Variants in CNTN1 observed in about 807,000 individuals in gnomAD.
CNTN1 encodes contactin 1.
CNTN1 carries 38 observed loss-of-function variants against 126.4 expected under a neutral mutation model. The ratio of observed to expected loss-of-function variants is 0.30; its 90% CI spans 0.23 to 0.39. The LOEUF is 0.39. Among genes scored for constraint, CNTN1 ranks in the 10% least tolerant of loss-of-function variants. The pLI, the probability that CNTN1 is intolerant of heterozygous loss-of-function variation, is 1.00. For synonymous variants in CNTN1, 413 were observed against 422.6 expected (o/e 0.98, Z 0.28); for missense variants, 1,009 against 1,248.4 (o/e 0.81, Z 2.89).
Position 40,768,743 on chromosome 12 carries a change from A to G in CNTN1, c.-77+76151A>G, listed in dbSNP as rs76198627. The stretch of plus-strand genomic sequence containing the variant: ...TTTACAACAATGTTTTCATTAGGTC[A>G]GCTGAAAGGCTGACTTCTCTGAATG... On this transcript the variant is annotated intron_variant, in intron 1 of 23. Transcript: ENST00000551295. 2.4e-4 allele frequency among the ~76,000 whole-genome samples: 36 copies of G among 152,324 alleles called. No homozygotes were observed. In the East Asian group the frequency reaches 6.9e-3, roughly 29 times the overall value.
At chr12:40,921,758 T>C (rs1317101297) in intron 4 of CNTN1, among the ~76,000 whole-genome samples, 1 of 152,220 alleles carries the variant, frequency 6.6e-6, no homozygotes, top group African/African-American at 2.4e-5. Flanking sequence ...GACTGACCTC[T>C]AGTGGTCAGA....
At chr12:40,827,312 C>G (rs931751852) in intron 1 of CNTN1, among the ~76,000 whole-genome samples, 1 of 151,864 alleles carries the variant, frequency 6.6e-6, no homozygotes, top group African/African-American at 2.4e-5. Context: ...TTGATGAACA[C>G]TTGTACCCAT....
At chr12:40,765,632 A>C (rs1468110670) in intron 1 of CNTN1, among the ~76,000 whole-genome samples, 2 of 152,220 alleles carry the variant, frequency 1.3e-5, no homozygotes, top group Non-Finnish European at 2.9e-5. Context: ...TATTTCTAAA[A>C]GGTGAAGTAA....
intron 1 of CNTN1, among the ~76,000 whole-genome samples, chr12:40,813,519 C>T (rs1297240593): frequency 2.6e-5 from 4 of 152,090 alleles, no homozygotes; most frequent in East Asian, 1.9e-4. Context: ...GCAAAGGACA[C>T]GATCTCATTC....
At chr12:41,006,417 T>C (rs901512753) in intron 17 of CNTN1, among the ~76,000 whole-genome samples, 2 of 152,172 alleles carry the variant, frequency 1.3e-5, no homozygotes, top group Non-Finnish European at 2.9e-5. Context: ...GGACCCCTGC[T>C]GGAGACTGTG....
chr12:40,856,233 C>T (rs1942901723), intron 1 of CNTN1, among the ~76,000 whole-genome samples: 1 of 151,872 alleles, frequency 6.6e-6, no homozygotes, highest in Non-Finnish European at 1.5e-5. Flanking sequence ...TATATATACA[C>T]CAGTTTAAAG....
At chr12:40,872,849 C>T (rs749367015) in intron 1 of CNTN1, among the ~76,000 whole-genome samples, 23 of 151,962 alleles carry the variant, frequency 1.5e-4, no homozygotes, top group Non-Finnish European at 2.8e-4. Context: ...CGTGAACCAC[C>T]GTGTCCAGCT....
rs370971706 is a variant in CNTN1, at chr12:40,925,800, T to TTATATATATA, written c.496+1168_496+1177dup. On this transcript the variant is annotated intron_variant, in intron 6 of 23. Coordinates refer to ENST00000551295, the MANE Select transcript of CNTN1 (RefSeq NM_001843.4). ...CCTTTTTCTTAAGGAACTATTGAAA[T>TTATATATATA]TATATATATATATATATATATATAT... Among the ~76,000 whole-genome samples the TTATATATATA allele has an allele frequency of 7.8e-3, 909 of 116,452 alleles. 3 individuals carry two copies. The highest frequency in any genetic ancestry group is 0.014 in the South Asian group (50 of 3,590). 76.4% of individuals were successfully genotyped at this position (116,452 alleles called of 152,430 possible).
At chr12:40,841,314 C>G (rs965748335) in intron 1 of CNTN1, among the ~76,000 whole-genome samples, 2 of 151,930 alleles carry the variant, frequency 1.3e-5, no homozygotes, top group African/African-American at 2.4e-5. Flanking sequence ...TAGAAAAACC[C>G]TGTATCAGAT....
At chr12:40,933,390 A>G in intron 7 of CNTN1, 71 bp from the exon 8 acceptor site, 1 of 1,070,948 alleles carries the variant, frequency 9.3e-7, no homozygotes, top group South Asian at 1.3e-5. Context: ...ATCCTGTAGA[A>G]TTACCATGTT....
At chr12:40,796,353 C>G (rs1000373973) in intron 1 of CNTN1, among the ~76,000 whole-genome samples, 1 of 152,036 alleles carries the variant, frequency 6.6e-6, no homozygotes, top group African/African-American at 2.4e-5. Flanking sequence ...GACTAGGGCT[C>G]TTCAGAATAC....
chr12:41,052,047 G>A (rs1949700705), intron 23 of CNTN1, among the ~76,000 whole-genome samples: 1 of 151,928 alleles, frequency 6.6e-6, no homozygotes, highest in Non-Finnish European at 1.5e-5. Context: ...ACTCTAAATA[G>A]CTTATCAGCA....
intron 1 of CNTN1, among the ~76,000 whole-genome samples, chr12:40,872,163 A>G (rs534056311): frequency 1.3e-5 from 2 of 151,658 alleles, no homozygotes; most frequent in African/African-American, 2.4e-5. Flanking sequence ...ATCAGTCAGC[A>G]CAGACCTTGA....
At chr12:40,941,751 T>C (rs10879384) in intron 12 of CNTN1, among the ~76,000 whole-genome samples, 18,059 of 151,990 alleles carry the variant, frequency 0.12, 1,115 homozygotes, top group Non-Finnish European at 0.12. Context: ...GTAATTTTGG[T>C]ACCAATAAGT....
At chr12:40,887,972 C>T (rs1944103435) in intron 1 of CNTN1, among the ~76,000 whole-genome samples, 1 of 130,482 alleles carries the variant, frequency 7.7e-6, no homozygotes, top group Non-Finnish European at 1.5e-5. Flanking sequence ...AATGAGAACA[C>T]GTGGACACAG....
At chr12:40,847,693 T>G (rs1386522179) in intron 1 of CNTN1, among the ~76,000 whole-genome samples, 2 of 152,188 alleles carry the variant, frequency 1.3e-5, no homozygotes, top group African/African-American at 2.4e-5. Flanking sequence ...ATTTTACTAG[T>G]TATATCCCAG....
intron 1 of CNTN1, among the ~76,000 whole-genome samples, chr12:40,825,294 T>G (rs1245129920): frequency 1.3e-5 from 2 of 152,160 alleles, no homozygotes; most frequent in Admixed American, 6.6e-5. Flanking sequence ...ATGCATTCTT[T>G]TCCTAACTTG....
intron 23 of CNTN1, among the ~76,000 whole-genome samples, chr12:41,055,500 T>G (rs1225553700): frequency 6.6e-6 from 1 of 152,102 alleles, no homozygotes; most frequent in Non-Finnish European, 1.5e-5. Context: ...GCATTCTAAG[T>G]GCAATTGTGT....
At chr12:41,006,842 G>A (rs1268551227) in intron 17 of CNTN1, among the ~76,000 whole-genome samples, 1 of 151,916 alleles carries the variant, frequency 6.6e-6, no homozygotes, top group Admixed American at 6.6e-5. Flanking sequence ...ACTTCATCCA[G>A]ATGGCTGGGT....
Sources: gnomAD v4.1 joint callset for allele counts (sites outside exome capture counted in the v4.1 genomes callset) on GRCh38, gnomAD v4.1.1 for gene constraint, MANE v1.5 for transcripts, NCBI Gene and HGNC (gene_info 2026-07-23, HGNC 2026-07-21) for gene names.